EPM2A: variants seen among roughly 807,000 people sequenced by gnomAD.
The protein encoded by EPM2A is EPM2A glucan phosphatase, laforin.
In EPM2A, 21 loss-of-function variants were observed where a neutral mutation model predicts 26.5. The ratio of observed to expected loss-of-function variants is 0.79; its 90% CI spans 0.56 to 1.14. The LOEUF (loss-of-function observed/expected upper bound fraction) is 1.14, where lower values mean the gene tolerates loss of function less well. Among genes scored for constraint, EPM2A ranks in the 50% most tolerant of loss-of-function variants. EPM2A has a pLI of 0.00. For missense variants in EPM2A, 458 were observed against 440.8 expected (o/e 1.04, Z -0.35); for synonymous variants, 217 against 177.6 (o/e 1.22, Z -1.76).
intron 1 of EPM2A, among the ~76,000 whole-genome samples, chr6:145,717,829 C>A (rs1775722134): frequency 6.6e-6 from 1 of 151,334 alleles, no homozygotes; most frequent in African/African-American, 2.4e-5. Context: ...CAATAACAGA[C>A]AAACAGAGAG....
Position 145,625,549 on chromosome 6 carries a change from A to C in EPM2A, c.*1867T>G. On this transcript the variant is annotated 3_prime_UTR_variant, in exon 4 of 4. Coordinates refer to ENST00000367519, the MANE Select transcript of EPM2A (RefSeq NM_005670.4). ...AATTCACAGACCCACATAGTTTAAA[A>C]ATTTAATTTTTAAGATTAAATTTTC... 1.6e-6 allele frequency: 1 copy of C among 626,626 alleles called. No individual in the cohort carries two copies. Among genetic ancestry groups the C allele is most frequent in the Non-Finnish European group, 2.9e-6 (1 of 346,050 alleles). 38.8% of individuals were successfully genotyped at this position (626,626 alleles called of 1,614,324 possible).
chr6:145,530,681 T>G (rs1052791923), intron 2 of EPM2A, among the ~76,000 whole-genome samples: 8 of 152,154 alleles, frequency 5.3e-5, no homozygotes, highest in African/African-American at 1.9e-4. Flanking sequence ...TAGCTGACAA[T>G]CAGTAAAGAA....
At chr6:145,442,341 G>T (rs943797264) in intron 4 of EPM2A, among the ~76,000 whole-genome samples, 2 of 152,148 alleles carry the variant, frequency 1.3e-5, no homozygotes, top group Non-Finnish European at 2.9e-5. Context: ...TCACACCACT[G>T]ATAAAGACAT....
chr6:145,627,624 T>TGGGCAGAAGGG lies in EPM2A; in HGVS notation c.787_788insCCCTTCTGCCC (p.Tyr263SerfsTer26), dbSNP rs1775918813. On this transcript the variant is annotated frameshift_variant, in exon 4 of 4. Transcript: ENST00000367519. LOFTEE classifies it high-confidence loss of function. ...GCCCACCCCAGCGTTGCAGTGCACGTACACGATGTGTCCCTTCTCCAGCAG... is the reference window on the plus strand; with the variant it reads ...GCCCACCCCAGCGTTGCAGTGCACGTGGGCAGAAGGGACACGATGTGTCCCTTCTCCAGCAG... The TGGGCAGAAGGG allele has an allele frequency of 1.2e-6, 2 of 1,614,090 alleles. No individual in the cohort carries two copies. The highest frequency in any genetic ancestry group is 1.7e-6 in the Non-Finnish European group (2 of 1,180,036).
chr6:145,735,454 G>GCCGGCCA lies in EPM2A; in HGVS notation c.38_44dup (p.Ala16GlyfsTer94). Reference sequence around the variant, plus strand: ...CCACCACCAGCAGCTCCGGCCGGGCGCCGGCCACGGCGGGTGGCACCACCA... The same window carrying GCCGGCCA: ...CCACCACCAGCAGCTCCGGCCGGGCGCCGGCCACCGGCCACGGCGGGTGGCACCACCA... On this transcript the variant is annotated frameshift_variant, in exon 1 of 4. Transcript: ENST00000367519. LOFTEE classifies it high-confidence loss of function. 8.1e-7 allele frequency: 1 copy of GCCGGCCA among 1,234,710 alleles called. No homozygotes were observed. Among genetic ancestry groups the GCCGGCCA allele is most frequent in the Non-Finnish European group, 1.0e-6 (1 of 985,022 alleles). 76.5% of individuals were successfully genotyped at this position (1,234,710 alleles called of 1,614,324 possible).
intron 4 of EPM2A, chr6:145,490,636 C>T: frequency 1.6e-6 from 1 of 641,706 alleles, no homozygotes; most frequent in Non-Finnish European, 3.0e-6. Flanking sequence ...CCTTTCATTG[C>T]ATATTTCACA....
At chr6:145,690,793 G>A (rs1369662197) in intron 1 of EPM2A, among the ~76,000 whole-genome samples, 1 of 151,970 alleles carries the variant, frequency 6.6e-6, no homozygotes, top group African/African-American at 2.4e-5. Flanking sequence ...TGGAATGGAA[G>A]ATGAAAAGAG....
chr6:145,735,727 G>T, upstream of EPM2A: 2 of 819,074 alleles, frequency 2.4e-6, no homozygotes, highest in Non-Finnish European at 1.5e-6. Context: ...GCCTCTTTGT[G>T]CCCCGCAACC....
At chr6:145,631,930 T>A (rs189252939) in intron 3 of EPM2A, 1 of 152,082 alleles carries the variant, frequency 6.6e-6, no homozygotes, top group East Asian at 1.9e-4. Flanking sequence ...GGAGCAGATA[T>A]ATGATGAATA....
chr6:145,447,107 T>C (rs962838184), intron 4 of EPM2A, among the ~76,000 whole-genome samples: 1 of 152,134 alleles, frequency 6.6e-6, no homozygotes, highest in Admixed American at 6.5e-5. Context: ...CTTAGTTTTG[T>C]TTACTCTCTA....
intron 1 of EPM2A, among the ~76,000 whole-genome samples, chr6:145,722,310 G>C (rs1386386308): frequency 6.6e-6 from 1 of 152,152 alleles, no homozygotes; most frequent in African/African-American, 2.4e-5. Context: ...TGGAAAAGAA[G>C]GATGGGGAAA....
rs192044676 is a variant in EPM2A at position 145,406,595 on chromosome 6, A to G, written c.556-22498T>C. On this transcript the variant is annotated intron_variant, in intron 4 of 4. Transcript: ENST00000638717. ...AATGGTAGCTACCAAGTTGTCAGAT[A>G]AACTGCAATAGCCCAGGCAGGTGGT... 2.1e-3 allele frequency among the ~76,000 whole-genome samples: 319 copies of G among 152,310 alleles called. 3 individuals are homozygous for G. Among genetic ancestry groups the G allele is most frequent in the African/African-American group, 6.9e-3 (289 of 41,584 alleles).
chr6:145,595,405 T>C (rs74978268), intron 2 of EPM2A, among the ~76,000 whole-genome samples: 2,505 of 151,566 alleles, frequency 0.017, 40 homozygotes, highest in South Asian at 0.071. Context: ...ATGTGCTATC[T>C]TTTACTTAAA....
At chr6:145,597,428 T>A (rs1048871072) in intron 2 of EPM2A, among the ~76,000 whole-genome samples, 2 of 152,326 alleles carry the variant, frequency 1.3e-5, no homozygotes, top group African/African-American at 4.8e-5. Flanking sequence ...GATTTTGAGA[T>A]GCTATTATTA....
At chr6:145,452,939 TTC>T (rs1779216338) in intron 4 of EPM2A, among the ~76,000 whole-genome samples, 1 of 152,186 alleles carries the variant, frequency 6.6e-6, no homozygotes, top group South Asian at 2.1e-4. Context: ...ACTCCATTCT[TTC>T]TCTCTTAATT....
At chr6:145,566,917 T>C (rs1440623283) in intron 2 of EPM2A, among the ~76,000 whole-genome samples, 4 of 152,218 alleles carry the variant, frequency 2.6e-5, no homozygotes, top group Admixed American at 6.5e-5. Context: ...TTAGTAGTTC[T>C]ATAAAAGGAC....
chr6:145,391,353 A>G (rs1484378601), intron 4 of EPM2A, among the ~76,000 whole-genome samples: 1 of 152,134 alleles, frequency 6.6e-6, no homozygotes, highest in South Asian at 2.1e-4. Flanking sequence ...CCGACCATGG[A>G]ATAATTGGTG....
chr6:145,448,529 A>G (rs1487660532), intron 4 of EPM2A, among the ~76,000 whole-genome samples: 1 of 152,220 alleles, frequency 6.6e-6, no homozygotes, highest in Non-Finnish European at 1.5e-5. Flanking sequence ...AACTTGAGGA[A>G]CAAAGAGTTA....
intron 2 of EPM2A, among the ~76,000 whole-genome samples, chr6:145,669,481 C>A (rs977340557): frequency 2.0e-5 from 3 of 152,170 alleles, no homozygotes; most frequent in African/African-American, 7.2e-5. Context: ...GACCATAATA[C>A]ACCTTCTGAA....
Sources: gnomAD v4.1 joint callset for allele counts (sites outside exome capture counted in the v4.1 genomes callset) on GRCh38, gnomAD v4.1.1 for gene constraint, MANE v1.5 for transcripts, NCBI Gene and HGNC (gene_info 2026-07-23, HGNC 2026-07-21) for gene names.